The following ARHGEF28 variants were observed in gnomAD, a reference collection of about 807,000 sequenced individuals.
ARHGEF28 encodes the protein Rho guanine nucleotide exchange factor 28.
In ARHGEF28, 152 loss-of-function variants were observed where a neutral mutation model predicts 206.6. The ratio of observed to expected loss-of-function variants is 0.74; its 90% confidence interval spans 0.64 to 0.84. ARHGEF28 has a LOEUF of 0.84. Among genes scored for constraint, ARHGEF28 ranks in the 40% least tolerant of loss-of-function variants. The pLI is 0.00. For missense variants in ARHGEF28, 2,028 were observed against 2,073.2 expected (o/e 0.98, Z 0.42); for synonymous variants, 763 against 776.4 (o/e 0.98, Z 0.29).
chr5:73,872,870 T>A, intron 21 of ARHGEF28, 129 bp from the exon 22 acceptor site: 1 of 1,075,486 alleles, frequency 9.3e-7, no homozygotes, highest in Non-Finnish European at 1.3e-6. Flanking sequence ...TATATTGGAA[T>A]ATTCTTGATA....
At chr5:73,644,493 A>G (rs1341144300) in intron 1 of ARHGEF28, among the ~76,000 whole-genome samples, 1 of 152,190 alleles carries the variant, frequency 6.6e-6, no homozygotes, top group African/African-American at 2.4e-5. Flanking sequence ...AAACCTGAGC[A>G]TGTCCGTTTT....
At chr5:73,642,350 A>C (rs1744170621) in intron 1 of ARHGEF28, among the ~76,000 whole-genome samples, 1 of 152,044 alleles carries the variant, frequency 6.6e-6, no homozygotes, top group African/African-American at 2.4e-5. Flanking sequence ...TTGTTTTTTT[A>C]ACTTTCCCCC....
intron 13 of ARHGEF28, among the ~76,000 whole-genome samples, chr5:73,850,103 T>TTTTTTTTTTTTTTTTTTGAGACGGA (rs1452621978): frequency 6.6e-6 from 1 of 151,356 alleles, no homozygotes; most frequent in African/African-American, 2.4e-5. Context: ...TGCATTTTTA[T>TTTTTTTTTTTTTTTTTTGAGACGGA]GCCATGCAGA....
At chr5:73,791,328 C>T (rs1754471463) in intron 7 of ARHGEF28, among the ~76,000 whole-genome samples, 1 of 152,182 alleles carries the variant, frequency 6.6e-6, no homozygotes, top group Admixed American at 6.5e-5. Flanking sequence ...GGCACAGAGG[C>T]TGCTATGAAC....
chr5:73,936,000 T>C lies in ARHGEF28; in HGVS notation c.4949-4844T>C, dbSNP rs1413589304. Reference sequence around the variant, plus strand: ...CCATGGGGTGCACTGGTGAGCTAAATTCAGACCTTGACAGTGGATGTTTAT... The same window carrying C: ...CCATGGGGTGCACTGGTGAGCTAAACTCAGACCTTGACAGTGGATGTTTAT... On this transcript the variant is annotated intron_variant, in intron 35 of 35. Coordinates refer to ENST00000513042, the MANE Select transcript of ARHGEF28 (RefSeq NM_001177693.2). 4.6e-5 allele frequency among the ~76,000 whole-genome samples: 7 copies of C among 152,298 alleles called. No individual in the cohort carries two copies. In the East Asian group the frequency reaches 1.4e-3, roughly 29 times the overall value.
In ARHGEF28 at chr5:73,789,125, C is replaced by A. The variant is rs750807904; in HGVS notation, c.911-5277C>A. Among the ~76,000 whole-genome samples, 2 of 152,118 alleles carry A rather than the reference C, an allele frequency of 1.3e-5. 1 individual carries two copies. On this transcript the variant is annotated intron_variant, in intron 7 of 35. Transcript: ENST00000513042. ...AAAAAGTGGAAACAACTCAGATATCCATCAGCTGAGGAATAGATAAACAAA... is the reference window on the plus strand; with the variant it reads ...AAAAAGTGGAAACAACTCAGATATCAATCAGCTGAGGAATAGATAAACAAA...
chr5:73,879,401 A>G (rs1760757341), intron 22 of ARHGEF28, among the ~76,000 whole-genome samples: 1 of 152,020 alleles, frequency 6.6e-6, no homozygotes, highest in African/African-American at 2.4e-5. Context: ...TAGTTTGATC[A>G]TCTGGAGCCT....
chr5:73,736,585 C>T (rs1398147084), intron 2 of ARHGEF28, among the ~76,000 whole-genome samples: 1 of 152,092 alleles, frequency 6.6e-6, no homozygotes, highest in Non-Finnish European at 1.5e-5. Context: ...CATTTTTATC[C>T]TTATGTGTTC....
intron 2 of ARHGEF28, among the ~76,000 whole-genome samples, chr5:73,747,222 G>A (rs1751766546): frequency 6.6e-6 from 1 of 152,126 alleles, no homozygotes; most frequent in Admixed American, 6.5e-5. Context: ...TCAATTGCCT[G>A]AAACAAAGAA....
chr5:73,810,223 G>A (rs1371248568), intron 9 of ARHGEF28, among the ~76,000 whole-genome samples: 1 of 152,176 alleles, frequency 6.6e-6, no homozygotes, highest in Non-Finnish European at 1.5e-5. Flanking sequence ...CTGATAAATG[G>A]TAAAGCAAAT....
intron 1 of ARHGEF28, among the ~76,000 whole-genome samples, chr5:73,642,285 G>T (rs999695742): frequency 6.6e-6 from 1 of 152,176 alleles, no homozygotes; most frequent in African/African-American, 2.4e-5. Flanking sequence ...TTGGGGATCT[G>T]ATTTGCATAG....
intron 25 of ARHGEF28, among the ~76,000 whole-genome samples, chr5:73,887,304 G>GT (rs753394148): frequency 9.2e-5 from 14 of 152,166 alleles, no homozygotes; most frequent in Non-Finnish European, 1.9e-4. Context: ...CCTGCCGAAG[G>GT]TAAGAGTTTG....
chr5:73,681,278 G>A (rs189225430), intron 1 of ARHGEF28, among the ~76,000 whole-genome samples: 86 of 152,212 alleles, frequency 5.7e-4, no homozygotes, highest in Non-Finnish European at 9.0e-4. Flanking sequence ...GACATTTAAG[G>A]TGAGGATCAT....
At chr5:73,902,574 A>G (rs1762329349) in intron 31 of ARHGEF28, 1 of 152,236 alleles carries the variant, frequency 6.6e-6, no homozygotes, top group Non-Finnish European at 1.5e-5. Context: ...AAAGGGCAGG[A>G]TCACTTGAAA....
intron 2 of ARHGEF28, among the ~76,000 whole-genome samples, chr5:73,701,433 T>G (rs1218288340): frequency 6.6e-6 from 1 of 152,180 alleles, no homozygotes; most frequent in African/African-American, 2.4e-5. Flanking sequence ...CATTGTGCTC[T>G]TAGTGGAAGT....
intron 4 of ARHGEF28, among the ~76,000 whole-genome samples, chr5:73,766,554 A>G (rs745941920): frequency 3.0e-4 from 45 of 152,214 alleles, no homozygotes; most frequent in Non-Finnish European, 5.6e-4. Context: ...TATTAATTTA[A>G]ATTAGCAGAT....
intron 35 of ARHGEF28, among the ~76,000 whole-genome samples, chr5:73,912,171 G>A (rs1027108651): frequency 1.3e-5 from 2 of 151,972 alleles, no homozygotes; most frequent in Admixed American, 6.6e-5. Context: ...AAGGCAGCTC[G>A]TGTTACCAGC....
chr5:73,645,746 C>T (rs568573589), intron 1 of ARHGEF28, among the ~76,000 whole-genome samples: 89 of 152,136 alleles, frequency 5.9e-4, no homozygotes, highest in Non-Finnish European at 1.1e-3. Flanking sequence ...CTCCATTTCC[C>T]CTAGAGGTCT....
chr5:73,741,426 T>G (rs1314495290), intron 2 of ARHGEF28, among the ~76,000 whole-genome samples: 1 of 30,316 alleles, frequency 3.3e-5, no homozygotes, highest in Non-Finnish European at 7.0e-5. Flanking sequence ...TATATATATA[T>G]ATATATATAT....
Sources: allele counts gnomAD v4.1 joint callset (sites outside exome capture counted in the v4.1 genomes callset), GRCh38; gene constraint gnomAD v4.1.1; transcripts MANE v1.5; gene names NCBI Gene and HGNC (gene_info 2026-07-23, HGNC 2026-07-21).